VIT: variants seen among roughly 807,000 people sequenced by gnomAD.
VIT encodes vitrin.
Under a neutral mutation model 78.0 loss-of-function variants are expected in VIT, and 99 were observed. The observed-to-expected ratio is 1.27, with a 90% confidence interval of 1.08 to 1.50. The LOEUF (loss-of-function observed/expected upper bound fraction) is 1.50, where lower values mean the gene tolerates loss of function less well. VIT is among the 40% of genes most tolerant of loss of function. VIT has a pLI of 0.00. For synonymous variants in VIT, 374 were observed against 334.3 expected, an observed-to-expected ratio of 1.12 and a Z score of -1.29; for missense variants, 1,126 against 875.3, an observed-to-expected ratio of 1.29 and a Z score of -3.61.
chr2:36,809,455 T>C (rs980213335), intron 15 of VIT, among the ~76,000 whole-genome samples: 1 of 152,220 alleles, frequency 6.6e-6, no homozygotes, highest in Non-Finnish European at 1.5e-5. Flanking sequence ...TCTCACTCAG[T>C]CGTCCAGGCT....
chr2:36,773,705 T>C, intron 7 of VIT, 86 bp from the exon 8 acceptor site: 1 of 1,236,672 alleles, frequency 8.1e-7, no homozygotes, highest in Non-Finnish European at 1.1e-6. Context: ...GCTCTGGGCA[T>C]ACAGTGAGAC....
chr2:36,710,983 C>G (rs1463548714), intron 1 of VIT, among the ~76,000 whole-genome samples: 1 of 152,198 alleles, frequency 6.6e-6, no homozygotes, highest in East Asian at 1.9e-4. Context: ...TTTTGAGATA[C>G]TACCAAACTG....
At position 36,760,573 on chromosome 2, in the gene VIT, G is replaced by T. The variant is rs574742127; in HGVS notation, c.487+1527G>T. ...TGTCCTCTTTTGACCTGGGCACAGA[G>T]ACGAAGAATGGGTGACAGGTCTCCT... On this transcript the variant is annotated intron_variant, in intron 6 of 15. Transcript: ENST00000379242. Among the ~76,000 whole-genome samples the T allele has an allele frequency of 2.4e-3, 373 of 152,300 alleles. 1 individual carries two copies. In the Middle Eastern group the frequency reaches 0.041, roughly 17 times the overall value.
chr2:36,797,202 T>C (rs1665968870), intron 12 of VIT, among the ~76,000 whole-genome samples: 1 of 152,056 alleles, frequency 6.6e-6, no homozygotes, highest in South Asian at 2.1e-4. Flanking sequence ...GGGGCTCTCT[T>C]AAAGTGAAGA....
At chr2:36,784,775 A>T (rs910971106) in intron 11 of VIT, among the ~76,000 whole-genome samples, 3 of 152,246 alleles carry the variant, frequency 2.0e-5, no homozygotes, top group African/African-American at 7.2e-5. Flanking sequence ...AACATTGTAT[A>T]ACCCAATTCT....
chr2:36,806,904 T>A lies in VIT; in HGVS notation c.1389+1240T>A, dbSNP rs539695721. ...AGCTCTGTAGCCATCCATTTTCAGCTGACTGACTTTTCTCCACCTGATGTT... is the reference window on the plus strand; with the variant it reads ...AGCTCTGTAGCCATCCATTTTCAGCAGACTGACTTTTCTCCACCTGATGTT... On this transcript the variant is annotated intron_variant, in intron 14 of 15. Transcript: ENST00000379242. Among the ~76,000 whole-genome samples the A allele has an allele frequency of 2.0e-5, 3 of 152,226 alleles. No homozygotes were observed. In the South Asian group the frequency reaches 6.2e-4, roughly 32 times the overall value.
intron 2 of VIT, among the ~76,000 whole-genome samples, chr2:36,724,713 T>C (rs1410164575): frequency 6.6e-6 from 1 of 152,214 alleles, no homozygotes; most frequent in Non-Finnish European, 1.5e-5. Flanking sequence ...AACCCAGCTA[T>C]GCATGTTTTC....
intron 15 of VIT, among the ~76,000 whole-genome samples, chr2:36,810,674 C>T (rs1250136045): frequency 1.3e-5 from 2 of 150,814 alleles, no homozygotes; most frequent in Admixed American, 1.3e-4. Context: ...TGCTCTGTCA[C>T]CCAGACTGGA....
intron 4 of VIT, among the ~76,000 whole-genome samples, chr2:36,748,956 C>T (rs1668297184): frequency 6.6e-6 from 1 of 152,186 alleles, no homozygotes; most frequent in African/African-American, 2.4e-5. Flanking sequence ...CCCTGAAAAA[C>T]GTACAAACTT....
In VIT at chr2:36,767,164, G is replaced by GC. The variant is rs773714577; in HGVS notation, c.559dup (p.Leu187ProfsTer58). 2.3e-5 allele frequency: 37 copies of GC among 1,611,324 alleles called. No individual in the cohort carries two copies. The highest frequency in any genetic ancestry group is 3.1e-5 in the Non-Finnish European group (37 of 1,178,982). On this transcript the variant is annotated frameshift_variant, in exon 7 of 16. Transcript: ENST00000379242. LOFTEE classifies it high-confidence loss of function. ...CTGCACAGCCGGTCACTCTGATGCA[G>GC]CTTCTGGCTGTCACTGTAGCTGTGG... is the stretch of plus-strand genomic sequence containing the variant.
chr2:36,814,164 C>A lies in VIT; in HGVS notation c.1904-19C>A. ...CCTTTACTTGGGGACATTTGTTCAT[C>A]TAACCTTTGTCCCCACAGGAGTGAT... On this transcript the variant is annotated intron_variant, in intron 15 of 15. Coordinates refer to ENST00000379242, the MANE Select transcript of VIT (RefSeq NM_053276.4). The A allele has an allele frequency of 6.2e-7, 1 of 1,610,774 alleles. No individual in the cohort carries two copies. Among genetic ancestry groups the A allele is most frequent in the Non-Finnish European group, 8.5e-7 (1 of 1,177,694 alleles).
chr2:36,797,668 C>A (rs974664043), intron 12 of VIT, among the ~76,000 whole-genome samples: 1 of 152,110 alleles, frequency 6.6e-6, no homozygotes, highest in Non-Finnish European at 1.5e-5. Flanking sequence ...GGGGACCAAC[C>A]AGTGCACAGA....
At chr2:36,812,511 T>C (rs1242263976) in intron 15 of VIT, among the ~76,000 whole-genome samples, 2 of 152,118 alleles carry the variant, frequency 1.3e-5, no homozygotes, top group African/African-American at 4.8e-5. Flanking sequence ...GTTTTCCCAC[T>C]AAGATTGGAT....
At chr2:36,730,122 T>C (rs748097929) in intron 3 of VIT, among the ~76,000 whole-genome samples, 47 of 151,854 alleles carry the variant, frequency 3.1e-4, no homozygotes, top group East Asian at 5.8e-4. Context: ...GTGGTGTCTT[T>C]ATTAAAAATT....
At position 36,759,007 on chromosome 2, in the gene VIT, C is replaced by A. The variant is rs1480926546; in HGVS notation, c.448C>A (p.Leu150Ile). The A allele has an allele frequency of 1.2e-6, 2 of 1,613,884 alleles. No homozygotes were observed. Among genetic ancestry groups the A allele is most frequent in the Non-Finnish European group, 1.7e-6 (2 of 1,180,038 alleles). The change falls in exon 6 of 16, where the codon CTT becomes ATT. Residue 150 changes from leucine to isoleucine, a missense_variant. Transcript: ENST00000379242. ...AAAGGGTGTAACCTACCCATCAGCT[C>A]TTACATACTCATCATCGAAAAGTCC... ...PKKGVTYPSA[L>I]TYSSSKSPAA...
chr2:36,794,367 G>A (rs1349733355), intron 12 of VIT, among the ~76,000 whole-genome samples: 5 of 152,142 alleles, frequency 3.3e-5, no homozygotes, highest in African/African-American at 1.2e-4. Context: ...ATAAGAACCT[G>A]TAATAAAATT....
intron 12 of VIT, among the ~76,000 whole-genome samples, chr2:36,791,620 A>C (rs1017705131): frequency 7.9e-5 from 12 of 152,214 alleles, no homozygotes; most frequent in African/African-American, 2.7e-4. Flanking sequence ...TGACGATGGA[A>C]GCATAGTCAG....
At position 36,769,080 on chromosome 2, in the gene VIT, G is replaced by C. The variant is rs143899012; in HGVS notation, c.679+1795G>C. Among the ~76,000 whole-genome samples the C allele has an allele frequency of 1.9e-4, 29 of 152,282 alleles. No homozygotes were observed. The East Asian group carries it at 5.6e-3, about 29-fold the overall frequency. ...AGGTGCACAATACTTGACAGCAAAA[G>C]AGAAACAGGAAGGATGCTGGATGGC... is the stretch of plus-strand genomic sequence containing the variant. On this transcript the variant is annotated intron_variant, in intron 7 of 15. Transcript: ENST00000379242.
At chr2:36,747,552 TTGTC>T (rs1273274219) in intron 4 of VIT, among the ~76,000 whole-genome samples, 1 of 152,212 alleles carries the variant, frequency 6.6e-6, no homozygotes, top group Admixed American at 6.5e-5. Flanking sequence ...ATACCCTTCT[TTGTC>T]TGTTTACTGT....
Sources: gnomAD v4.1 joint callset for allele counts (sites outside exome capture counted in the v4.1 genomes callset) on GRCh38, gnomAD v4.1.1 for gene constraint, MANE v1.5 for transcripts, NCBI Gene and HGNC (gene_info 2026-07-23, HGNC 2026-07-21) for gene names.